SMURF2: variants seen among roughly 807,000 people sequenced by gnomAD.
The protein encoded by SMURF2 is SMAD specific E3 ubiquitin protein ligase 2.
SMURF2 carries 48 observed loss-of-function variants against 109.6 expected under a neutral mutation model. The ratio of observed to expected loss-of-function variants is 0.44; its 90% confidence interval spans 0.35 to 0.56. SMURF2 has a LOEUF of 0.56. SMURF2 is among the 20% of genes least tolerant of loss of function. SMURF2 has a pLI of 0.01. For missense variants in SMURF2, 575 were observed against 909.0 expected, an observed-to-expected ratio of 0.63 and a Z score of 4.72; for synonymous variants, 288 against 317.1, an observed-to-expected ratio of 0.91 and a Z score of 0.97.
At chr17:64,580,205 C>T (rs571453183) in intron 8 of SMURF2, among the ~76,000 whole-genome samples, 161 of 152,140 alleles carry the variant, frequency 1.1e-3, no homozygotes, top group Non-Finnish European at 1.8e-3. Context: ...TAGAAACTTC[C>T]GTATTCTATT....
Position 64,661,075 on chromosome 17 carries a change from A to AC in SMURF2, c.52+753dup, listed in dbSNP as rs550347856. ...TGTATGAGCACATACTTAGCAATGC[A>AC]CCCCCCCCAAAAAAGTGTGTTTTTA... is the stretch of plus-strand genomic sequence containing the variant. On this transcript the variant is annotated intron_variant, in intron 1 of 18. Transcript: ENST00000262435. Among the ~76,000 whole-genome samples the AC allele has an allele frequency of 5.3e-3, 804 of 150,992 alleles. 6 individuals carry two copies. The highest frequency in any genetic ancestry group is 7.2e-3 in the South Asian group (34 of 4,740).
At chr17:64,586,750 CAAAAA>C (rs782490512) in intron 5 of SMURF2, among the ~76,000 whole-genome samples, 5 of 27,460 alleles carry the variant, frequency 1.8e-4, no homozygotes, top group South Asian at 1.9e-3. Flanking sequence ...GACTCCGTCT[CAAAAA>C]AAAAAAAAAA....
At position 64,545,508 on chromosome 17, in the gene SMURF2, T is replaced by G. The variant is rs1442425586; in HGVS notation, c.*340A>C. On this transcript the variant is annotated 3_prime_UTR_variant, in exon 19 of 19. Transcript: ENST00000262435. ...CTTGAAATCTGTGAAGAAATTTGAA[T>G]AGATTACCTTTTATAAAAATAGTAG... 4 of 167,142 alleles carry G rather than the reference T, an allele frequency of 2.4e-5. No homozygotes were observed. In the East Asian group the frequency reaches 6.6e-4, roughly 28 times the overall value. 10.4% of individuals were successfully genotyped at this position (167,142 alleles called of 1,614,324 possible).
chr17:64,612,145 C>T (rs1186794589), intron 1 of SMURF2, among the ~76,000 whole-genome samples: 1 of 152,054 alleles, frequency 6.6e-6, no homozygotes, highest in Non-Finnish European at 1.5e-5. Flanking sequence ...TTACTGTTCT[C>T]GTTTAAGTTT....
At chr17:64,555,774 T>C (rs782615065) in intron 14 of SMURF2, 46 bp downstream of exon 14, 2 of 1,312,114 alleles carry the variant, frequency 1.5e-6, no homozygotes, top group Non-Finnish European at 2.1e-6. Flanking sequence ...TATTTTTTTT[T>C]AAAGCTCAGA....
chr17:64,571,753 T>C, intron 10 of SMURF2, 45 bp downstream of exon 10: 3 of 1,549,028 alleles, frequency 1.9e-6, no homozygotes, highest in Non-Finnish European at 2.6e-6. Context: ...ATGCGTTTCA[T>C]CATGTTTAAC....
chr17:64,605,379 AC>A (rs1203590419), intron 2 of SMURF2, among the ~76,000 whole-genome samples: 1 of 152,092 alleles, frequency 6.6e-6, no homozygotes, highest in African/African-American at 2.4e-5. Flanking sequence ...GTTCTGCTCT[AC>A]AAAAACTCAA....
At position 64,607,585 on chromosome 17, in the gene SMURF2, C is replaced by T. The variant is rs1598293482; in HGVS notation, c.53-945G>A. On this transcript the variant is annotated intron_variant, in intron 1 of 18. Transcript: ENST00000262435. ...AGGTTGCAGTGAGCCAAGATTGCGCCACTGCACTCCAGCCTGGGCTACAGA... is the reference window on the plus strand; with the variant it reads ...AGGTTGCAGTGAGCCAAGATTGCGCTACTGCACTCCAGCCTGGGCTACAGA... Among the ~76,000 whole-genome samples the T allele has an allele frequency of 2.0e-5, 3 of 148,936 alleles. No homozygotes were observed. In the South Asian group the frequency reaches 6.3e-4, roughly 31 times the overall value.
At chr17:64,631,942 C>A (rs1486830339) in intron 1 of SMURF2, among the ~76,000 whole-genome samples, 5 of 74,610 alleles carry the variant, frequency 6.7e-5, no homozygotes, top group African/African-American at 2.6e-4. Context: ...TAGTATTATT[C>A]TAAGACTCTC....
chr17:64,604,805 G>A (rs567243325), intron 2 of SMURF2, among the ~76,000 whole-genome samples: 18 of 152,072 alleles, frequency 1.2e-4, no homozygotes, highest in East Asian at 5.8e-4. Flanking sequence ...TTAGGCAGGC[G>A]TGTTGGCGTG....
At position 64,550,001 on chromosome 17, in the gene SMURF2, ATTCTT is replaced by A. The variant is rs372123991; in HGVS notation, c.1869+1578_1869+1582del. ...TAATGACATAAAAGACACCTCCTAA[ATTCTT>A]TTCTTCAGAGGAATGGCAGTTAGAA... On this transcript the variant is annotated intron_variant, in intron 16 of 18. Coordinates refer to ENST00000262435, the MANE Select transcript of SMURF2 (RefSeq NM_022739.4). Among the ~76,000 whole-genome samples the A allele has an allele frequency of 2.0e-4, 31 of 152,316 alleles. No homozygotes were observed. The East Asian group carries it at 3.3e-3, about 16-fold the overall frequency.
At chr17:64,551,482 T>G in intron 16 of SMURF2, 102 bp downstream of exon 16, 2 of 1,309,516 alleles carry the variant, frequency 1.5e-6, no homozygotes, top group South Asian at 2.8e-5. Context: ...ACCATGAAAC[T>G]TAGAAAGCAC....
intron 15 of SMURF2, among the ~76,000 whole-genome samples, chr17:64,552,120 T>C (rs1969053909): frequency 6.6e-6 from 1 of 152,242 alleles, no homozygotes. Context: ...TTGGGTGTTT[T>C]GTTTCTATTT....
chr17:64,645,046 A>G (rs1298858388), intron 1 of SMURF2, among the ~76,000 whole-genome samples: 3 of 151,894 alleles, frequency 2.0e-5, no homozygotes, highest in African/African-American at 7.3e-5. Flanking sequence ...TAGATTCGAC[A>G]GGAAGACTAG....
intron 10 of SMURF2, among the ~76,000 whole-genome samples, chr17:64,566,561 G>GTTTGTTTGTTTTTTTTTTTTTTT (rs1969305868): frequency 2.3e-5 from 1 of 43,784 alleles, no homozygotes; most frequent in African/African-American, 7.5e-5. Flanking sequence ...AAGCTTTCTG[G>GTTTGTTTGTTTTTTTTTTTTTTT]TTTTTTTTTT....
At chr17:64,566,561 G>GTTTTGTTTTTTTTTTTTTTTTTTTTTT (rs1969306410) in intron 10 of SMURF2, among the ~76,000 whole-genome samples, 1 of 43,784 alleles carries the variant, frequency 2.3e-5, no homozygotes, top group Non-Finnish European at 4.2e-5. Flanking sequence ...AAGCTTTCTG[G>GTTTTGTTTTTTTTTTTTTTTTTTTTTT]TTTTTTTTTT....
intron 1 of SMURF2, among the ~76,000 whole-genome samples, chr17:64,659,624 G>A (rs1424187129): frequency 1.3e-5 from 2 of 151,460 alleles, no homozygotes; most frequent in African/African-American, 4.9e-5. Flanking sequence ...CCAATTCCTG[G>A]ACGCACATCA....
chr17:64,605,504 C>CT (rs1479524513), intron 2 of SMURF2, among the ~76,000 whole-genome samples: 1 of 151,652 alleles, frequency 6.6e-6, no homozygotes, highest in Non-Finnish European at 1.5e-5. Flanking sequence ...AGGAGGATCA[C>CT]TTGAGACCAG....
chr17:64,589,370 G>A (rs1409585833), intron 5 of SMURF2, among the ~76,000 whole-genome samples: 1 of 150,772 alleles, frequency 6.6e-6, no homozygotes, highest in Non-Finnish European at 1.5e-5. Context: ...TGAAAGTGTT[G>A]TATGACTGAA....
Sources: allele counts gnomAD v4.1 joint callset (sites outside exome capture counted in the v4.1 genomes callset), GRCh38; gene constraint gnomAD v4.1.1; transcripts MANE v1.5; gene names NCBI Gene and HGNC (gene_info 2026-07-23, HGNC 2026-07-21).